Variants in ZBTB7C observed in about 807,000 individuals in gnomAD.
The protein encoded by ZBTB7C is zinc finger and BTB domain containing 7C.
Under a neutral mutation model 25.7 loss-of-function variants are expected in ZBTB7C, and 8 were observed. The observed-to-expected ratio is 0.31, with a 90% CI of 0.18 to 0.56. ZBTB7C has a LOEUF of 0.56. ZBTB7C is among the 20% of genes least tolerant of loss of function. The pLI, the probability that ZBTB7C is intolerant of heterozygous loss-of-function variation, is 0.91. For missense variants in ZBTB7C, 824 were observed against 855.2 expected (o/e 0.96, Z 0.46); for synonymous variants, 394 against 369.0 (o/e 1.07, Z -0.78).
intron 1 of ZBTB7C, among the ~76,000 whole-genome samples, chr18:48,356,231 G>C (rs1371302756): frequency 6.6e-6 from 1 of 152,160 alleles, no homozygotes; most frequent in African/African-American, 2.4e-5. Context: ...CCATCCCCAG[G>C]TATTTCTCAG....
At chr18:48,130,044 G>C (rs979907786) in intron 3 of ZBTB7C, among the ~76,000 whole-genome samples, 1 of 152,194 alleles carries the variant, frequency 6.6e-6, no homozygotes, top group African/African-American at 2.4e-5. Flanking sequence ...CCCAGTAGGG[G>C]AGGGTAAGGG....
At chr18:48,137,424 T>C (rs572103334) in intron 3 of ZBTB7C, 7 of 536,224 alleles carry the variant, frequency 1.3e-5, no homozygotes, top group South Asian at 1.8e-4. Flanking sequence ...TTCCCCCCAC[T>C]CTCCTTCTCT....
rs373696551 is a variant in ZBTB7C at position 48,040,843 on chromosome 18, G to A, written c.265C>T (p.Leu89=). ...FVQPEALAAI[L]EFAYTSTLTI... is the part of the protein sequence containing the mutation. ...AGCGTGGAGGTGTAGGCGAACTCCAGGATAGCAGCCAGAGCCTCAGGCTGG... is the reference window on the plus strand; with the variant it reads ...AGCGTGGAGGTGTAGGCGAACTCCAAGATAGCAGCCAGAGCCTCAGGCTGG... Residue 89 remains leucine (L), a synonymous_variant, in exon 4 of 5, where the codon CTG becomes TTG. Coordinates refer to ENST00000590800, the MANE Select transcript of ZBTB7C (RefSeq NM_001318841.2). 2.0e-4 allele frequency: 330 copies of A among 1,613,968 alleles called. No individual in the cohort carries two copies. Among genetic ancestry groups the A allele is most frequent in the Non-Finnish European group, 1.9e-4 (220 of 1,180,002 alleles).
At chr18:48,406,419 T>C (rs2048284384) in intron 1 of ZBTB7C, among the ~76,000 whole-genome samples, 1 of 152,174 alleles carries the variant, frequency 6.6e-6, no homozygotes, top group African/African-American at 2.4e-5. Flanking sequence ...GTTAATTCAG[T>C]GGGAAAAGTT....
At chr18:48,293,150 A>G (rs969518516) in intron 2 of ZBTB7C, among the ~76,000 whole-genome samples, 39 of 152,308 alleles carry the variant, frequency 2.6e-4, no homozygotes, top group African/African-American at 7.5e-4. Context: ...AATACCATAG[A>G]CTGGGTGGCT....
At chr18:48,167,103 G>A (rs928256328) in intron 3 of ZBTB7C, among the ~76,000 whole-genome samples, 4 of 152,192 alleles carry the variant, frequency 2.6e-5, no homozygotes, top group Admixed American at 6.5e-5. Flanking sequence ...AGGTAGTCCT[G>A]TGTCCGGTCC....
chr18:48,077,099 T>A, intron 3 of ZBTB7C: 1 of 724,012 alleles, frequency 1.4e-6, no homozygotes, highest in Non-Finnish European at 1.7e-6. Context: ...CCTCTATGAT[T>A]TTTTTTCTTA....
At chr18:48,112,072 G>A (rs2039260602) in intron 3 of ZBTB7C, among the ~76,000 whole-genome samples, 2 of 152,070 alleles carry the variant, frequency 1.3e-5, no homozygotes, top group Admixed American at 1.3e-4. Flanking sequence ...GAAATGACTT[G>A]TGGCCATTAC....
chr18:48,290,868 C>T (rs775024408), intron 2 of ZBTB7C, among the ~76,000 whole-genome samples: 6 of 152,206 alleles, frequency 3.9e-5, no homozygotes, highest in Non-Finnish European at 7.3e-5. Flanking sequence ...TTATGTGCTG[C>T]GGAGACAGTG....
intron 2 of ZBTB7C, among the ~76,000 whole-genome samples, chr18:48,297,225 A>G (rs1176110323): frequency 1.3e-5 from 2 of 152,168 alleles, no homozygotes; most frequent in African/African-American, 4.8e-5. Context: ...TTTATTTTAC[A>G]TTGTTGTTTA....
chr18:48,122,839 G>A (rs1056539437), intron 3 of ZBTB7C, among the ~76,000 whole-genome samples: 1 of 152,180 alleles, frequency 6.6e-6, no homozygotes, highest in Admixed American at 6.5e-5. Context: ...CTCAGCAAAC[G>A]AATGAATGAG....
chr18:48,164,802 T>C (rs1381700257), intron 3 of ZBTB7C, among the ~76,000 whole-genome samples: 1 of 152,126 alleles, frequency 6.6e-6, no homozygotes, highest in African/African-American at 2.4e-5. Context: ...ATTAAGCACC[T>C]ACTGTATACT....
chr18:48,386,371 A>C (rs1376895561), intron 1 of ZBTB7C, among the ~76,000 whole-genome samples: 1 of 152,260 alleles, frequency 6.6e-6, no homozygotes, highest in African/African-American at 2.4e-5. Context: ...CCCAAGGTCC[A>C]GGTGAACTCG....
chr18:48,262,362 C>T (rs1223970104), intron 2 of ZBTB7C, among the ~76,000 whole-genome samples: 1 of 152,160 alleles, frequency 6.6e-6, no homozygotes, highest in Non-Finnish European at 1.5e-5. Context: ...ATCTTGACCA[C>T]TTACAGAGTC....
intron 2 of ZBTB7C, among the ~76,000 whole-genome samples, chr18:48,276,569 C>A (rs1276319487): frequency 1.2e-4 from 13 of 109,794 alleles, no homozygotes; most frequent in African/African-American, 4.6e-4. Context: ...TTTGTTCTTG[C>A]GATAGTTTAC....
At chr18:48,365,783 A>G (rs1010543097) in intron 1 of ZBTB7C, among the ~76,000 whole-genome samples, 4 of 152,246 alleles carry the variant, frequency 2.6e-5, no homozygotes, top group Non-Finnish European at 4.4e-5. Flanking sequence ...GCCATGGATA[A>G]CAAAAACAAA....
chr18:48,127,501 G>A (rs746994237), intron 3 of ZBTB7C, among the ~76,000 whole-genome samples: 2 of 152,220 alleles, frequency 1.3e-5, no homozygotes, highest in Non-Finnish European at 2.9e-5. Flanking sequence ...TGTCCTACAG[G>A]GGTCAGCATG....
intron 3 of ZBTB7C, among the ~76,000 whole-genome samples, chr18:48,118,517 T>G (rs1476375837): frequency 6.6e-6 from 1 of 152,224 alleles, no homozygotes; most frequent in Non-Finnish European, 1.5e-5. Flanking sequence ...TAGTAAAAAG[T>G]TCATTAAGAA....
chr18:48,197,625 C>T (rs183394255), intron 2 of ZBTB7C, among the ~76,000 whole-genome samples: 7 of 152,248 alleles, frequency 4.6e-5, no homozygotes, highest in South Asian at 2.1e-4. Context: ...GTCAAGGTGC[C>T]GGCCAGTTGA....
Sources: gnomAD v4.1 joint callset for allele counts (sites outside exome capture counted in the v4.1 genomes callset) on GRCh38, gnomAD v4.1.1 for gene constraint, MANE v1.5 for transcripts, NCBI Gene and HGNC (gene_info 2026-07-23, HGNC 2026-07-21) for gene names.